Variants in GAPVD1 observed in about 807,000 individuals in gnomAD.
The protein encoded by GAPVD1 is GTPase activating protein and VPS9 domains 1.
A neutral mutation model predicts 155.5 loss-of-function variants in GAPVD1; 35 were observed. The observed-to-expected ratio is 0.23, with a 90% confidence interval of 0.17 to 0.30. The LOEUF (loss-of-function observed/expected upper bound fraction) is 0.30, where lower values mean the gene tolerates loss of function less well. Among genes scored for constraint, GAPVD1 ranks in the 10% least tolerant of loss-of-function variants. The pLI is 1.00. For missense variants in GAPVD1, 1,429 were observed against 1,775.7 expected (o/e 0.80, Z 3.51); for synonymous variants, 636 against 619.7 (o/e 1.03, Z -0.39).
chr9:125,335,571 G>A (rs1846794905), intron 15 of GAPVD1, among the ~76,000 whole-genome samples: 1 of 151,912 alleles, frequency 6.6e-6, no homozygotes, highest in Non-Finnish European at 1.5e-5. Flanking sequence ...CAGCTACTCG[G>A]GAGGCTGAGG....
At chr9:125,333,096 G>A (rs543446920) in intron 15 of GAPVD1, among the ~76,000 whole-genome samples, 1 of 151,000 alleles carries the variant, frequency 6.6e-6, no homozygotes, top group African/African-American at 2.4e-5. Context: ...TTTTTGAGAC[G>A]GAGTCTTGTG....
chr9:125,350,986 T>A, intron 23 of GAPVD1, 114 bp downstream of exon 23: 1 of 817,144 alleles, frequency 1.2e-6, no homozygotes, highest in Admixed American at 2.4e-5. Context: ...TTGGCTGTAT[T>A]TTCCTGGATG....
At chr9:125,280,301 C>G (rs1295093955) in intron 2 of GAPVD1, among the ~76,000 whole-genome samples, 1 of 141,374 alleles carries the variant, frequency 7.1e-6, no homozygotes, top group Non-Finnish European at 1.5e-5. Flanking sequence ...GAGGCTGAGG[C>G]AGGAGAATCG....
At chr9:125,326,366 A>G (rs1405151708) in intron 11 of GAPVD1, 50 bp from the exon 12 acceptor site, 1 of 1,264,850 alleles carries the variant, frequency 7.9e-7, no homozygotes, top group East Asian at 2.3e-5. Flanking sequence ...TTGATTAAAA[A>G]GTCATAGCTG....
At chr9:125,333,399 A>C (rs1485310184) in intron 15 of GAPVD1, among the ~76,000 whole-genome samples, 3 of 151,488 alleles carry the variant, frequency 2.0e-5, no homozygotes, top group Non-Finnish European at 4.4e-5. Flanking sequence ...TTTTTTAAAA[A>C]CCTATGCAAG....
chr9:125,262,591 G>T (rs1389658796), intron 1 of GAPVD1, among the ~76,000 whole-genome samples: 2 of 152,156 alleles, frequency 1.3e-5, no homozygotes, highest in Non-Finnish European at 2.9e-5. Flanking sequence ...GTATAAATGT[G>T]CATAAAAACA....
intron 9 of GAPVD1, among the ~76,000 whole-genome samples, chr9:125,314,449 A>C (rs958024327): frequency 6.6e-6 from 1 of 152,182 alleles, no homozygotes; most frequent in African/African-American, 2.4e-5. Context: ...CGAGGTCAGG[A>C]GTTCGAGACC....
chr9:125,347,965 C>T (rs1304813103), intron 20 of GAPVD1, among the ~76,000 whole-genome samples: 1 of 152,142 alleles, frequency 6.6e-6, no homozygotes, highest in African/African-American at 2.4e-5. Context: ...TTCATCTACC[C>T]TCTATCTAGA....
At chr9:125,310,584 G>C (rs1187032624) in intron 8 of GAPVD1, among the ~76,000 whole-genome samples, 1 of 147,102 alleles carries the variant, frequency 6.8e-6, no homozygotes, top group Non-Finnish European at 1.5e-5. Context: ...TTGTTGCCCA[G>C]GCTGGAGTGC....
In GAPVD1 at chr9:125,303,478, T is replaced by TA. The variant is rs1260066444; in HGVS notation, c.1029+666dup. 7.9e-3 allele frequency among the ~76,000 whole-genome samples: 968 copies of TA among 122,030 alleles called. 8 individuals are homozygous for TA. The highest frequency in any genetic ancestry group is 0.023 in the African/African-American group (751 of 33,020). The allele number at this position is 122,030 out of a possible 152,430, so 80.1% of individuals were successfully genotyped here. On this transcript the variant is annotated intron_variant, in intron 5 of 27. Transcript: ENST00000297933. ...AGACCCCCAACTGCCCCATATCTAT[T>TA]AAAAAAAAAAAAAATTGGCCGGGTG...
At chr9:125,330,260 G>A in intron 13 of GAPVD1, 42 bp downstream of exon 13, 1 of 1,400,222 alleles carries the variant, frequency 7.1e-7, no homozygotes, top group Non-Finnish European at 9.7e-7. Context: ...TTATACAGAA[G>A]TTTTAATTAA....
rs773295739 is a variant in GAPVD1, at chr9:125,302,541, A to G, written c.744A>G (p.Gln248=). The change falls in exon 5 of 28, where the codon CAA becomes CAG. Residue 248 remains glutamine, a synonymous_variant. Coordinates refer to ENST00000297933, the MANE Select transcript of GAPVD1 (RefSeq NM_001282680.3). ...KGSDRFRQKV[Q]EMVESNEAKL... Reference sequence around the variant, plus strand: ...CAGATAGATTCAGGCAAAAAGTTCAAGAAATGGTGGAGTCCAATGAAGCAA... The same window carrying G: ...CAGATAGATTCAGGCAAAAAGTTCAGGAAATGGTGGAGTCCAATGAAGCAA... 1 of 1,613,980 alleles carries G rather than the reference A, an allele frequency of 6.2e-7. No homozygotes were observed. The highest frequency in any genetic ancestry group is 1.1e-5 in the South Asian group (1 of 91,084).
intron 9 of GAPVD1, among the ~76,000 whole-genome samples, chr9:125,319,587 T>C (rs985119833): frequency 7.2e-6 from 1 of 139,264 alleles, no homozygotes; most frequent in African/African-American, 2.7e-5. Context: ...TTCAAGCAAA[T>C]AGGGAAAAAA....
chr9:125,301,904 C>A, intron 4 of GAPVD1, 79 bp from the exon 5 acceptor site: 1 of 1,147,394 alleles, frequency 8.7e-7, no homozygotes, highest in Non-Finnish European at 1.2e-6. Context: ...CTCACATATC[C>A]ATGTTTGGAT....
chr9:125,294,186 G>C (rs1483820491), intron 2 of GAPVD1, among the ~76,000 whole-genome samples: 1 of 151,456 alleles, frequency 6.6e-6, no homozygotes, highest in Non-Finnish European at 1.5e-5. Flanking sequence ...GATTACAGGC[G>C]TGAGCCACTG....
intron 23 of GAPVD1, among the ~76,000 whole-genome samples, chr9:125,352,634 G>T (rs1476783217): frequency 6.6e-6 from 1 of 152,232 alleles, no homozygotes; most frequent in African/African-American, 2.4e-5. Flanking sequence ...CTGCCATGGA[G>T]ACCTCTGACA....
At chr9:125,271,443 A>G (rs1047138248) in intron 2 of GAPVD1, among the ~76,000 whole-genome samples, 10 of 152,220 alleles carry the variant, frequency 6.6e-5, no homozygotes, top group African/African-American at 2.4e-4. Context: ...AAAATTAGTC[A>G]AGGCATATTA....
In GAPVD1 at chr9:125,307,551, A is replaced by G. The variant is rs913503215; in HGVS notation, c.1251+4A>G. ...CTACAGTCAGCTTATTACTCTGGTA[A>G]TGGCTTCATTGTTTAAGAGAATTTC... On this transcript the variant is annotated splice_donor_region_variant and intron_variant, in intron 7 of 27. Transcript: ENST00000297933. 121 of 1,607,170 alleles carry G rather than the reference A, an allele frequency of 7.5e-5. No homozygotes were observed. The highest frequency in any genetic ancestry group is 1.0e-4 in the Non-Finnish European group (118 of 1,176,464).
chr9:125,349,260 CT>C, intron 20 of GAPVD1, 129 bp from the exon 21 acceptor site: 18 of 743,276 alleles, frequency 2.4e-5, no homozygotes, highest in Admixed American at 5.2e-5. Flanking sequence ...TTTTTTCTTT[CT>C]TTTTTTTCCA....
Sources: allele counts gnomAD v4.1 joint callset (sites outside exome capture counted in the v4.1 genomes callset), GRCh38; gene constraint gnomAD v4.1.1; transcripts MANE v1.5; gene names NCBI Gene and HGNC (gene_info 2026-07-23, HGNC 2026-07-21).